The following FSD1L variants were observed in gnomAD, a reference collection of about 807,000 sequenced individuals.
FSD1L encodes fibronectin type III and SPRY domain containing 1 like.
Under a neutral mutation model 71.6 loss-of-function variants are expected in FSD1L, and 45 were observed. The observed-to-expected ratio is 0.63, with a 90% confidence interval of 0.49 to 0.81. The LOEUF is 0.81. Ranked by LOEUF, FSD1L falls within the 30% of genes least tolerant of loss-of-function variation. FSD1L has a pLI of 0.00. For missense variants in FSD1L, 561 were observed against 618.1 expected (o/e 0.91, Z 0.98); for synonymous variants, 197 against 207.2 (o/e 0.95, Z 0.42).
At chr9:105,498,853 A>G (rs774188662) in intron 7 of FSD1L, among the ~76,000 whole-genome samples, 4 of 152,142 alleles carry the variant, frequency 2.6e-5, no homozygotes, top group Non-Finnish European at 5.9e-5. Flanking sequence ...TGAACTCCTC[A>G]TCTCAAGTGA....
intron 7 of FSD1L, among the ~76,000 whole-genome samples, chr9:105,500,060 C>A (rs1399391228): frequency 1.3e-5 from 2 of 152,170 alleles, no homozygotes; most frequent in South Asian, 4.1e-4. Flanking sequence ...ACTTGTATTG[C>A]CCATCTGTTC....
chr9:105,453,017 A>G (rs1371961235), intron 1 of FSD1L, among the ~76,000 whole-genome samples: 2 of 140,278 alleles, frequency 1.4e-5, no homozygotes, highest in African/African-American at 5.4e-5. Context: ...GATTATAGGT[A>G]TGAGCCATCA....
intron 12 of FSD1L, among the ~76,000 whole-genome samples, chr9:105,538,335 T>C (rs1191105323): frequency 1.3e-5 from 2 of 152,206 alleles, no homozygotes; most frequent in African/African-American, 4.8e-5. Flanking sequence ...ATCTACATAA[T>C]AATGTGCATA....
At position 105,522,521 on chromosome 9, in the gene FSD1L, T is replaced by A. The variant is rs988769895; in HGVS notation, c.1025+9585T>A. The A allele has an allele frequency of 3.4e-5, 55 of 1,613,640 alleles. No individual in the cohort carries two copies. In the Admixed American group the frequency reaches 7.7e-4, roughly 22 times the overall value. The stretch of plus-strand genomic sequence containing the variant: ...GTATAGTACGGCAAAAAACTGTCGA[T>A]ATTGATGATGCTCAAATACTTCCCC... On this transcript the variant is annotated intron_variant, in intron 10 of 13. Coordinates refer to ENST00000481272, the MANE Select transcript of FSD1L (RefSeq NM_001145313.3).
At chr9:105,494,498 A>G (rs988535236) in intron 7 of FSD1L, among the ~76,000 whole-genome samples, 10 of 151,850 alleles carry the variant, frequency 6.6e-5, no homozygotes, top group African/African-American at 1.5e-4. Flanking sequence ...TCTTCTCTCA[A>G]CTCGTCAAAG....
chr9:105,522,044 A>G, intron 10 of FSD1L: 1 of 1,613,148 alleles, frequency 6.2e-7, no homozygotes, highest in Non-Finnish European at 8.5e-7. Context: ...TGAAGATGCC[A>G]TCACAAGCTT....
intron 10 of FSD1L, among the ~76,000 whole-genome samples, chr9:105,533,409 T>A (rs1836026583): frequency 7.8e-6 from 1 of 128,500 alleles, no homozygotes; most frequent in Admixed American, 8.7e-5. Flanking sequence ...ATAATTGCCA[T>A]TTCCATCTTT....
chr9:105,524,451 A>G (rs1344432144), intron 10 of FSD1L: 39 of 1,613,344 alleles, frequency 2.4e-5, no homozygotes, highest in Admixed American at 8.3e-5. Flanking sequence ...GGACTGGATC[A>G]TGGCCTTACC....
At chr9:105,458,850 T>A (rs1830514865) in intron 1 of FSD1L, among the ~76,000 whole-genome samples, 1 of 152,174 alleles carries the variant, frequency 6.6e-6, no homozygotes, top group Non-Finnish European at 1.5e-5. Flanking sequence ...TCTATAGAAC[T>A]TTGTGACTTC....
intron 13 of FSD1L, among the ~76,000 whole-genome samples, chr9:105,542,194 A>G (rs1836666385): frequency 6.6e-6 from 1 of 152,194 alleles, no homozygotes; most frequent in African/African-American, 2.4e-5. Context: ...ATGTTTTCCA[A>G]AGTGGCTGTA....
intron 12 of FSD1L, among the ~76,000 whole-genome samples, chr9:105,536,308 T>C (rs1186439979): frequency 6.6e-6 from 1 of 152,248 alleles, no homozygotes; most frequent in Admixed American, 6.5e-5. Context: ...TAATCCTTTA[T>C]TAAAAACTTT....
In FSD1L at chr9:105,524,561, T is replaced by A. The variant is rs560412902; in HGVS notation, c.1026-9932T>A. On this transcript the variant is annotated intron_variant, in intron 10 of 13. Coordinates refer to ENST00000481272, the MANE Select transcript of FSD1L (RefSeq NM_001145313.3). ...GCATTTATAAGGTTTTACATGGGTG[T>A]GTTTATGGAGCTCAGTGTTTTAGCA... 1.1e-4 allele frequency: 176 copies of A among 1,613,934 alleles called. 3 individuals are homozygous for A. The South Asian group carries it at 1.8e-3, about 17-fold the overall frequency.
chr9:105,542,656 A>G (rs895623850), intron 13 of FSD1L, among the ~76,000 whole-genome samples: 7 of 152,036 alleles, frequency 4.6e-5, no homozygotes, highest in African/African-American at 1.7e-4. Context: ...GAGTTTTGCT[A>G]TATTGCCCAG....
intron 10 of FSD1L, chr9:105,520,678 A>C: frequency 6.2e-7 from 1 of 1,613,466 alleles, no homozygotes. Context: ...CTTCAGAATA[A>C]CTGTAGCAAA....
intron 13 of FSD1L, among the ~76,000 whole-genome samples, chr9:105,545,862 C>T (rs1330582035): frequency 1.3e-5 from 2 of 151,962 alleles, no homozygotes; most frequent in Non-Finnish European, 2.9e-5. Flanking sequence ...AGGAGTCCTT[C>T]TTAAATAATT....
intron 10 of FSD1L, chr9:105,521,116 A>G (rs960274808): frequency 5.6e-6 from 9 of 1,613,756 alleles, no homozygotes; most frequent in Middle Eastern, 1.7e-4. Context: ...GCTGAAACCA[A>G]TGAAGCAATC....
At chr9:105,546,295 T>C (rs1046308744) in intron 13 of FSD1L, 63 bp from the exon 14 acceptor site, 112 of 1,461,396 alleles carry the variant, frequency 7.7e-5, no homozygotes, top group Non-Finnish European at 9.7e-5. Flanking sequence ...GAAATGGAAA[T>C]TTAAAAATCA....
At chr9:105,526,372 T>G in intron 10 of FSD1L, 1 of 1,613,016 alleles carries the variant, frequency 6.2e-7, no homozygotes, top group Non-Finnish European at 8.5e-7. Flanking sequence ...ATCAGTTCTG[T>G]TTATCTGAAG....
Position 105,484,479 on chromosome 9 carries a change from T to G in FSD1L, c.563T>G (p.Leu188Arg). ...MVDFSQERQM[L>R]QTLKFLPVPK... ...GATTTCTCACAGGAAAGACAGATGC[T>G]GCAAACTTTGAAGTTTTTGCCAGGT... The change falls in exon 7 of 14, where the codon CTG becomes CGG. Residue 188 changes from leucine (L) to arginine (R), a missense_variant. Physicochemically the swap from Leu to Arg is moderately radical, Grantham distance 102. Transcript: ENST00000481272. 1.3e-6 allele frequency: 2 copies of G among 1,522,808 alleles called. No homozygotes were observed. The highest frequency in any genetic ancestry group is 1.8e-6 in the Non-Finnish European group (2 of 1,135,634). 94.3% of individuals were successfully genotyped at this position (1,522,808 alleles called of 1,614,324 possible).
Sources: gnomAD v4.1 joint callset for allele counts (sites outside exome capture counted in the v4.1 genomes callset) on GRCh38, gnomAD v4.1.1 for gene constraint, MANE v1.5 for transcripts, NCBI Gene and HGNC (gene_info 2026-07-23, HGNC 2026-07-21) for gene names.